The following SLC13A1 variants were observed in gnomAD, a reference collection of about 807,000 sequenced individuals.
SLC13A1 encodes Na(+)/sulfate cotransporter.
A neutral mutation model predicts 70.0 loss-of-function variants in SLC13A1; 65 were observed. The ratio of observed to expected loss-of-function variants is 0.93; its 90% CI spans 0.76 to 1.14. SLC13A1 has a LOEUF of 1.14. Ranked by LOEUF, SLC13A1 falls within the 50% of genes most tolerant of loss-of-function variation. The pLI is 0.00. For synonymous variants in SLC13A1, 275 were observed against 250.5 expected (o/e 1.10, Z -0.92); for missense variants, 726 against 717.8 (o/e 1.01, Z -0.13).
Position 123,168,380 on chromosome 7 carries a change from CA to C in SLC13A1, c.653del (p.Leu218TrpfsTer7). On this transcript the variant is annotated frameshift_variant, in exon 6 of 15. Coordinates refer to ENST00000194130, the MANE Select transcript of SLC13A1 (RefSeq NM_022444.4). LOFTEE classifies it high-confidence loss of function. The part of the protein sequence containing the change: ...DTGKISSKVE[L>X]EKNSGMRTKY... ...AAGAATCAAATTTATGTACCTTTTC[CA>C]ACTCCACCTTGCTTGAAATTTTCCC... is the stretch of plus-strand genomic sequence containing the variant. 1 of 1,574,194 alleles carries C rather than the reference CA, an allele frequency of 6.4e-7. No individual in the cohort carries two copies.
chr7:123,198,897 C>T (rs1333544700), intron 1 of SLC13A1, among the ~76,000 whole-genome samples: 1 of 152,094 alleles, frequency 6.6e-6, no homozygotes, highest in Non-Finnish European at 1.5e-5. Flanking sequence ...TGCACACTTA[C>T]TGTGTGCCAG....
chr7:123,175,333 C>T (rs957574531), intron 2 of SLC13A1, among the ~76,000 whole-genome samples: 8 of 151,998 alleles, frequency 5.3e-5, no homozygotes, highest in Non-Finnish European at 1.0e-4. Flanking sequence ...GGAGCTGATC[C>T]TTGAGTTTAT....
intron 6 of SLC13A1, among the ~76,000 whole-genome samples, chr7:123,153,442 C>T (rs982243085): frequency 6.6e-6 from 1 of 152,086 alleles, no homozygotes; most frequent in East Asian, 1.9e-4. Context: ...TTTAATCTAG[C>T]CAGTAAACAT....
At chr7:123,117,785 T>C in intron 13 of SLC13A1, among the ~76,000 whole-genome samples, 177 bp from the exon 14 acceptor site, 1 of 151,964 alleles carries the variant, frequency 6.6e-6, no homozygotes, top group South Asian at 2.1e-4. Context: ...TCTCATCCTC[T>C]TGTTGTTGAT....
intron 11 of SLC13A1, 21 bp downstream of exon 11, chr7:123,125,548 G>T: frequency 6.5e-7 from 1 of 1,528,294 alleles, no homozygotes; most frequent in South Asian, 1.1e-5. Context: ...AATTTATGCA[G>T]AATTATAAAT....
chr7:123,117,588 G>T lies in SLC13A1; in HGVS notation c.1533C>A (p.Asn511Lys), dbSNP rs755694489. ...TAGAAGGTATCAGAATATAAAGAGG[G>T]TTCACATGAATGGCTTCGGCCTGTT... ...LSPLAEAIHVNPLYILIPSTL... is the reference protein window; with the variant it reads ...LSPLAEAIHVKPLYILIPSTL... The change falls in exon 14 of 15, where the codon AAC becomes AAA. Residue 511 changes from asparagine (N) to lysine (K), a missense_variant. Transcript: ENST00000194130. 32 of 1,606,828 alleles carry T rather than the reference G, an allele frequency of 2.0e-5. No homozygotes were observed. Among genetic ancestry groups the T allele is most frequent in the Non-Finnish European group, 2.4e-5 (28 of 1,175,478 alleles).
intron 10 of SLC13A1, 73 bp downstream of exon 10, chr7:123,128,772 T>A: frequency 1.1e-6 from 1 of 915,182 alleles, no homozygotes. Flanking sequence ...TCTTTCAGAA[T>A]TACAGGAACC....
intron 6 of SLC13A1, 54 bp from the exon 7 acceptor site, chr7:123,147,364 A>G (rs972193708): frequency 8.8e-6 from 14 of 1,585,178 alleles, no homozygotes; most frequent in Non-Finnish European, 1.2e-5. Context: ...TTTGTTATGG[A>G]CTGAATATTT....
intron 3 of SLC13A1, among the ~76,000 whole-genome samples, 162 bp from the exon 4 acceptor site, chr7:123,169,497 G>A (rs369300572): frequency 1.3e-4 from 20 of 152,252 alleles, no homozygotes; most frequent in African/African-American, 3.9e-4. Flanking sequence ...TTGGAGTACC[G>A]TGACAGCCAG....
chr7:123,117,657 AC>A (rs1431938277), intron 13 of SLC13A1, 49 bp from the exon 14 acceptor site: 1 of 1,353,562 alleles, frequency 7.4e-7, no homozygotes, highest in South Asian at 1.6e-5. Flanking sequence ...GAGGGTAGAC[AC>A]GAAACATAAA....
At chr7:123,129,986 G>GTAA (rs1339427476) in intron 8 of SLC13A1, among the ~76,000 whole-genome samples, 1 of 152,118 alleles carries the variant, frequency 6.6e-6, no homozygotes. Flanking sequence ...TCTGAACACT[G>GTAA]CTACCTCTGA....
chr7:123,120,256 C>T (rs1330405025), intron 12 of SLC13A1, among the ~76,000 whole-genome samples: 1 of 152,068 alleles, frequency 6.6e-6, no homozygotes, highest in Non-Finnish European at 1.5e-5. Context: ...GCACTTCCTT[C>T]TATAACTTCC....
At chr7:123,148,215 C>A (rs996497251) in intron 6 of SLC13A1, among the ~76,000 whole-genome samples, 8 of 152,114 alleles carry the variant, frequency 5.3e-5, no homozygotes, top group Admixed American at 3.3e-4. Flanking sequence ...CTCCTGGTCA[C>A]CCACTGTCAT....
intron 10 of SLC13A1, among the ~76,000 whole-genome samples, chr7:123,127,229 C>T (rs965080462): frequency 6.6e-6 from 1 of 152,032 alleles, no homozygotes; most frequent in African/African-American, 2.4e-5. Context: ...TTGTTCCTTT[C>T]TTATTGTTTT....
At chr7:123,118,630 T>G (rs1793259716) in intron 13 of SLC13A1, among the ~76,000 whole-genome samples, 2 of 152,144 alleles carry the variant, frequency 1.3e-5, no homozygotes, top group South Asian at 4.1e-4. Flanking sequence ...TATTTAAGCC[T>G]CAAGCCTGAA....
Position 123,169,311 on chromosome 7 carries a change from G to A in SLC13A1, c.390C>T (p.Ser130=), listed in dbSNP as rs764048337. 1 of 1,613,014 alleles carries A rather than the reference G, an allele frequency of 6.2e-7. No individual in the cohort carries two copies. Among genetic ancestry groups the A allele is most frequent in the Admixed American group, 1.7e-5 (1 of 60,004 alleles). The change falls in exon 4 of 15, where the codon AGC becomes AGT. Residue 130 remains serine, a synonymous_variant. Coordinates refer to ENST00000194130, the MANE Select transcript of SLC13A1 (RefSeq NM_022444.4). ...TGAGCCACATAGACAAAAAGGCAGT[G>A]CTGCTCATGAACCCCAGCGTCAGCC... is the stretch of plus-strand genomic sequence containing the variant. ...PAWLTLGFMS[S]TAFLSMWLSN...
intron 5 of SLC13A1, 37 bp downstream of exon 5, chr7:123,168,467 T>C: frequency 2.5e-6 from 4 of 1,591,518 alleles, no homozygotes; most frequent in East Asian, 2.3e-5. Context: ...AAAATATAAT[T>C]TGGAAAAATC....
At chr7:123,145,268 T>G (rs146743598) in intron 7 of SLC13A1, among the ~76,000 whole-genome samples, 354 of 152,274 alleles carry the variant, frequency 2.3e-3, no homozygotes, top group African/African-American at 7.8e-3. Context: ...AGGAAACTGA[T>G]AGTCACAGAA....
At chr7:123,140,258 C>A in intron 7 of SLC13A1, among the ~76,000 whole-genome samples, 1 of 152,034 alleles carries the variant, frequency 6.6e-6, no homozygotes, top group East Asian at 1.9e-4. Context: ...TATGTTGACA[C>A]ATCTTTGCAA....
Sources: gnomAD v4.1 joint callset for allele counts (sites outside exome capture counted in the v4.1 genomes callset) on GRCh38, gnomAD v4.1.1 for gene constraint, MANE v1.5 for transcripts, NCBI Gene and HGNC (gene_info 2026-07-23, HGNC 2026-07-21) for gene names.